GCNT2: variants seen among roughly 807,000 people sequenced by gnomAD.
The protein encoded by GCNT2 is glucosaminyl (N-acetyl) transferase 2 (I blood group).
A neutral mutation model predicts 34.2 loss-of-function variants in GCNT2; 34 were observed. The ratio of observed to expected loss-of-function variants is 1.00; its 90% CI spans 0.76 to 1.32. GCNT2 has a LOEUF of 1.32. Among genes scored for constraint, GCNT2 ranks in the 40% most tolerant of loss-of-function variants. The pLI is 0.00. For missense variants in GCNT2, 584 were observed against 489.4 expected (o/e 1.19, Z -1.82); for synonymous variants, 212 against 188.0 (o/e 1.13, Z -1.04).
At chr6:10,586,438 C>T (rs145342719) in intron 3 of GCNT2, 5 of 1,614,068 alleles carry the variant, frequency 3.1e-6, no homozygotes, top group South Asian at 1.1e-5. Flanking sequence ...TTCCAAAATG[C>T]TTTCATTGCT....
chr6:10,589,927 T>C (rs1764558927), intron 3 of GCNT2, among the ~76,000 whole-genome samples: 1 of 152,170 alleles, frequency 6.6e-6, no homozygotes, highest in African/African-American at 2.4e-5. Flanking sequence ...AAGAAGCTCT[T>C]TTTTCATTAC....
At chr6:10,563,029 C>T (rs1392606816) in intron 3 of GCNT2, among the ~76,000 whole-genome samples, 1 of 152,134 alleles carries the variant, frequency 6.6e-6, no homozygotes, top group East Asian at 1.9e-4. Context: ...GTGGTGCACG[C>T]CTGTAATCCC....
intron 3 of GCNT2, among the ~76,000 whole-genome samples, chr6:10,560,991 A>G (rs969345299): frequency 6.6e-6 from 1 of 152,288 alleles, no homozygotes; most frequent in South Asian, 2.1e-4. Flanking sequence ...CTCCAGGACC[A>G]CAGATTTCTC....
At chr6:10,604,186 C>T (rs543357416) in intron 3 of GCNT2, among the ~76,000 whole-genome samples, 60 of 152,172 alleles carry the variant, frequency 3.9e-4, no homozygotes, top group African/African-American at 1.4e-3. Context: ...CGTGAGCCAC[C>T]GCGCCCAGCC....
chr6:10,611,826 A>G (rs763533895), intron 3 of GCNT2, among the ~76,000 whole-genome samples: 3 of 152,192 alleles, frequency 2.0e-5, no homozygotes, highest in Non-Finnish European at 4.4e-5. Context: ...ATATCAATAA[A>G]CTTTTGTAAA....
intron 3 of GCNT2, among the ~76,000 whole-genome samples, chr6:10,563,691 G>A (rs546851858): frequency 5.1e-4 from 75 of 147,566 alleles, no homozygotes; most frequent in African/African-American, 1.8e-3. Flanking sequence ...GCAGTGAGCC[G>A]AGATTGTACC....
intron 3 of GCNT2, among the ~76,000 whole-genome samples, chr6:10,532,821 T>C (rs2113531756): frequency 6.6e-6 from 1 of 152,212 alleles, no homozygotes; most frequent in East Asian, 1.9e-4. Flanking sequence ...CTAAGGGTTG[T>C]CTTGTTTAAT....
At chr6:10,612,552 G>A (rs1765603172) in intron 3 of GCNT2, among the ~76,000 whole-genome samples, 1 of 152,154 alleles carries the variant, frequency 6.6e-6, no homozygotes, top group Non-Finnish European at 1.5e-5. Flanking sequence ...AAAAAAAGCG[G>A]TCTTTTCCAC....
intron 3 of GCNT2, among the ~76,000 whole-genome samples, chr6:10,616,034 C>T (rs900830543): frequency 7.9e-5 from 12 of 152,202 alleles, no homozygotes; most frequent in African/African-American, 2.7e-4. Flanking sequence ...AATGAAGCTG[C>T]GGACTCTCGC....
At chr6:10,603,963 T>C (rs375960394) in intron 3 of GCNT2, among the ~76,000 whole-genome samples, 1 of 151,668 alleles carries the variant, frequency 6.6e-6, no homozygotes, top group African/African-American at 2.4e-5. Context: ...TGGTGCAATC[T>C]TGGCTCACTG....
At chr6:10,575,678 C>G (rs1561811507) in intron 3 of GCNT2, among the ~76,000 whole-genome samples, 1 of 151,954 alleles carries the variant, frequency 6.6e-6, no homozygotes, top group Non-Finnish European at 1.5e-5. Flanking sequence ...CCACCTTTAA[C>G]TGATGACATT....
intron 3 of GCNT2, among the ~76,000 whole-genome samples, chr6:10,598,840 G>A (rs747613861): frequency 5.3e-5 from 8 of 152,064 alleles, no homozygotes; most frequent in Non-Finnish European, 1.0e-4. Flanking sequence ...GGCTAATTAT[G>A]TTCTCTCTCT....
At chr6:10,576,707 TAGAA>T (rs143633162) in intron 3 of GCNT2, among the ~76,000 whole-genome samples, 4,631 of 151,390 alleles carry the variant, frequency 0.031, 196 homozygotes, top group African/African-American at 0.099. Flanking sequence ...GACACACACA[TAGAA>T]AGAAGAACCA....
At chr6:10,570,899 AT>A (rs1386919284) in intron 3 of GCNT2, among the ~76,000 whole-genome samples, 1 of 152,068 alleles carries the variant, frequency 6.6e-6, no homozygotes, top group African/African-American at 2.4e-5. Flanking sequence ...AGCCTTGTAG[AT>A]TTATCTCTGG....
At chr6:10,557,339 C>T in intron 3 of GCNT2, 1 of 1,609,312 alleles carries the variant, frequency 6.2e-7, no homozygotes, top group East Asian at 2.2e-5. Context: ...CAATAGGATT[C>T]CAGGTACGTA....
chr6:10,582,158 G>A (rs1296082528), intron 3 of GCNT2, among the ~76,000 whole-genome samples: 1 of 130,544 alleles, frequency 7.7e-6, no homozygotes, highest in African/African-American at 3.0e-5. Flanking sequence ...ATATATGTAT[G>A]TGTATAAAAT....
chr6:10,595,262 G>A (rs1432550900), intron 3 of GCNT2, among the ~76,000 whole-genome samples: 1 of 151,710 alleles, frequency 6.6e-6, no homozygotes, highest in African/African-American at 2.4e-5. Context: ...CAGGAATTGT[G>A]TTGCTTTATT....
intron 3 of GCNT2, among the ~76,000 whole-genome samples, chr6:10,597,196 C>T (rs912463709): frequency 7.2e-6 from 1 of 139,762 alleles, no homozygotes; most frequent in Admixed American, 7.8e-5. Flanking sequence ...TACTCTATCA[C>T]CCAGGCTGGA....
intron 3 of GCNT2, among the ~76,000 whole-genome samples, chr6:10,617,995 TCCGCCCGCC>T (rs1765868623): frequency 6.7e-6 from 1 of 149,616 alleles, no homozygotes; most frequent in Admixed American, 6.6e-5. Flanking sequence ...CCTCAGGTGA[TCCGCCCGCC>T]TCGGCCTCCC....
Sources: gnomAD v4.1 joint callset for allele counts (sites outside exome capture counted in the v4.1 genomes callset) on GRCh38, gnomAD v4.1.1 for gene constraint, MANE v1.5 for transcripts, NCBI Gene and HGNC (gene_info 2026-07-23, HGNC 2026-07-21) for gene names.